The following FOXP1 variants were observed in gnomAD, a reference collection of about 807,000 sequenced individuals.
FOXP1 encodes the protein forkhead box P1.
In FOXP1, 15 loss-of-function variants were observed where a neutral mutation model predicts 98.2. The ratio of observed to expected loss-of-function variants is 0.15; its 90% CI spans 0.10 to 0.24. FOXP1 has a LOEUF of 0.24. Ranked by LOEUF, FOXP1 falls within the 10% of genes least tolerant of loss-of-function variation. The pLI is 1.00. For missense variants in FOXP1, 633 were observed against 848.5 expected, an observed-to-expected ratio of 0.75 and a Z score of 3.15; for synonymous variants, 371 against 314.5, an observed-to-expected ratio of 1.18 and a Z score of -1.90.
intron 3 of FOXP1, among the ~76,000 whole-genome samples, chr3:71,429,150 T>C (rs543574299): frequency 6.6e-6 from 1 of 152,262 alleles, no homozygotes; most frequent in East Asian, 1.9e-4. Context: ...CCTCATGCTC[T>C]GCATGGCCCA....
intron 3 of FOXP1, among the ~76,000 whole-genome samples, chr3:71,464,152 C>CTGTG (rs1357465588): frequency 2.6e-5 from 4 of 152,120 alleles, no homozygotes; most frequent in Non-Finnish European, 5.9e-5. Context: ...ATGGCACATG[C>CTGTG]TGTGGTCCCA....
At chr3:71,421,967 T>C (rs2083687797) in intron 3 of FOXP1, among the ~76,000 whole-genome samples, 1 of 152,214 alleles carries the variant, frequency 6.6e-6, no homozygotes, top group Non-Finnish European at 1.5e-5. Flanking sequence ...TCCTATTTTA[T>C]CATTTTAGGA....
intron 7 of FOXP1, among the ~76,000 whole-genome samples, chr3:71,066,015 C>G (rs2052443612): frequency 1.4e-5 from 2 of 148,064 alleles, no homozygotes; most frequent in African/African-American, 5.0e-5. Context: ...AAAATCCCCA[C>G]ACACATTTTT....
At chr3:71,339,419 A>T (rs1232772227) in intron 4 of FOXP1, among the ~76,000 whole-genome samples, 1 of 152,190 alleles carries the variant, frequency 6.6e-6, no homozygotes, top group African/African-American at 2.4e-5. Flanking sequence ...TCAGATTAGC[A>T]TTGGTGGCAA....
chr3:71,231,146 G>A (rs2066254329), intron 5 of FOXP1, among the ~76,000 whole-genome samples: 1 of 152,164 alleles, frequency 6.6e-6, no homozygotes, highest in South Asian at 2.1e-4. Flanking sequence ...TTTCAATGAG[G>A]ACAATTTGGT....
At chr3:71,180,786 G>A (rs2062243160) in intron 6 of FOXP1, among the ~76,000 whole-genome samples, 1 of 152,058 alleles carries the variant, frequency 6.6e-6, no homozygotes, top group Admixed American at 6.6e-5. Context: ...TTTAAGTTAT[G>A]AGCCCCAAAG....
intron 2 of FOXP1, among the ~76,000 whole-genome samples, chr3:71,578,141 C>T (rs1319567896): frequency 3.3e-5 from 5 of 152,050 alleles, no homozygotes; most frequent in Non-Finnish European, 5.9e-5. Flanking sequence ...AACCCTTTCT[C>T]GGTCGTGGAG....
At chr3:71,387,746 A>G (rs2108097271) in intron 3 of FOXP1, among the ~76,000 whole-genome samples, 1 of 152,368 alleles carries the variant, frequency 6.6e-6, no homozygotes, top group South Asian at 2.1e-4. Context: ...AATGGTATTT[A>G]TTAAGGACCC....
At chr3:71,460,980 C>T (rs913896757) in intron 3 of FOXP1, among the ~76,000 whole-genome samples, 2 of 152,074 alleles carry the variant, frequency 1.3e-5, no homozygotes, top group African/African-American at 2.4e-5. Flanking sequence ...AAAAAACAAC[C>T]GGTACAGTTT....
intron 2 of FOXP1, among the ~76,000 whole-genome samples, chr3:71,513,259 C>T (rs767081858): frequency 6.6e-6 from 1 of 152,188 alleles, no homozygotes; most frequent in Non-Finnish European, 1.5e-5. Flanking sequence ...CCTTCCCCAA[C>T]ACAACTTGTC....
intron 19 of FOXP1, among the ~76,000 whole-genome samples, chr3:70,966,904 C>CAAGT (rs2034909200): frequency 6.6e-6 from 1 of 152,082 alleles, no homozygotes; most frequent in Non-Finnish European, 1.5e-5. Context: ...AAAGGGACAC[C>CAAGT]AAGTCTGAAA....
At chr3:71,462,001 T>C (rs941740894) in intron 3 of FOXP1, among the ~76,000 whole-genome samples, 1 of 152,162 alleles carries the variant, frequency 6.6e-6, no homozygotes, top group African/African-American at 2.4e-5. Flanking sequence ...CAAGGATACC[T>C]GAATGCTAAC....
At chr3:71,370,394 C>G (rs1467264847) in intron 3 of FOXP1, among the ~76,000 whole-genome samples, 1 of 152,096 alleles carries the variant, frequency 6.6e-6, no homozygotes, top group Non-Finnish European at 1.5e-5. Context: ...GAAAATAGTA[C>G]CATGAGAAAC....
intron 7 of FOXP1, among the ~76,000 whole-genome samples, chr3:71,091,963 A>G (rs1331373764): frequency 6.6e-6 from 1 of 152,010 alleles, no homozygotes; most frequent in Admixed American, 6.5e-5. Flanking sequence ...CGAGGCAGGC[A>G]GATCACTTGA....
At chr3:71,241,644 A>T (rs1019641756) in intron 5 of FOXP1, among the ~76,000 whole-genome samples, 1 of 152,232 alleles carries the variant, frequency 6.6e-6, no homozygotes, top group African/African-American at 2.4e-5. Flanking sequence ...CTGTGTGAAA[A>T]GAAGTGGAAA....
At chr3:71,422,159 A>C (rs2083704354) in intron 3 of FOXP1, among the ~76,000 whole-genome samples, 1 of 152,220 alleles carries the variant, frequency 6.6e-6, no homozygotes, top group South Asian at 2.1e-4. Flanking sequence ...CAGCTTTCTA[A>C]CACAAGTCAA....
chr3:71,462,018 G>A (rs943906736), intron 3 of FOXP1, among the ~76,000 whole-genome samples: 4 of 152,270 alleles, frequency 2.6e-5, no homozygotes, highest in Middle Eastern at 3.4e-3. Flanking sequence ...TAACAAGGAC[G>A]TCCCATAAAA....
intron 3 of FOXP1, among the ~76,000 whole-genome samples, chr3:71,373,125 G>A (rs1039758331): frequency 3.9e-5 from 6 of 152,152 alleles, no homozygotes; most frequent in East Asian, 3.9e-4. Flanking sequence ...ACCACAGTTC[G>A]TAATTTTGTC....
At chr3:71,437,396 G>C (rs184007065) in intron 3 of FOXP1, among the ~76,000 whole-genome samples, 8 of 152,240 alleles carry the variant, frequency 5.3e-5, no homozygotes, top group African/African-American at 1.7e-4. Flanking sequence ...GACAGAATGA[G>C]ACCCTGTCTC....
Sources: allele counts gnomAD v4.1 joint callset (sites outside exome capture counted in the v4.1 genomes callset), GRCh38; gene constraint gnomAD v4.1.1; transcripts MANE v1.5; gene names NCBI Gene and HGNC (gene_info 2026-07-23, HGNC 2026-07-21).